Variants in FANK1 observed in about 807,000 individuals in gnomAD.
FANK1 encodes fibronectin type III and ankyrin repeat domains 1.
Under a neutral mutation model 45.3 loss-of-function variants are expected in FANK1, and 44 were observed. The observed-to-expected ratio is 0.97, with a 90% confidence interval of 0.76 to 1.25. The LOEUF (loss-of-function observed/expected upper bound fraction) is 1.25. Ranked by LOEUF, FANK1 falls within the 50% of genes most tolerant of loss-of-function variation. The pLI is 0.00. For missense variants in FANK1, 391 were observed against 424.4 expected (o/e 0.92, Z 0.69); for synonymous variants, 149 against 152.5 (o/e 0.98, Z 0.17).
At chr10:125,923,957 G>A (rs528221210) in intron 1 of FANK1, among the ~76,000 whole-genome samples, 3 of 152,214 alleles carry the variant, frequency 2.0e-5, no homozygotes, top group African/African-American at 7.2e-5. Flanking sequence ...TATTTTTAAA[G>A]AACCAGGTTT....
intron 6 of FANK1, among the ~76,000 whole-genome samples, chr10:126,003,105 T>TA (rs1554951662): frequency 9.7e-6 from 1 of 103,556 alleles, no homozygotes; most frequent in African/African-American, 3.2e-5. Flanking sequence ...GTCCTCTCTT[T>TA]AAATTTTTTT....
chr10:125,912,259 T>G (rs1404103129), intron 1 of FANK1, among the ~76,000 whole-genome samples: 1 of 152,230 alleles, frequency 6.6e-6, no homozygotes, highest in Non-Finnish European at 1.5e-5. Context: ...CTGTTTGTTT[T>G]ACCATATTGA....
intron 1 of FANK1, among the ~76,000 whole-genome samples, chr10:125,945,553 A>G (rs1948729990): frequency 6.6e-6 from 1 of 152,096 alleles, no homozygotes; most frequent in East Asian, 1.9e-4. Context: ...CGGCTTAAAA[A>G]ACGGCGAACC....
At chr10:125,957,709 G>T (rs1177742763) in intron 1 of FANK1, among the ~76,000 whole-genome samples, 1 of 151,950 alleles carries the variant, frequency 6.6e-6, no homozygotes, top group Non-Finnish European at 1.5e-5. Context: ...ACTTTTAGTA[G>T]AGATGGGATT....
In FANK1 at chr10:125,949,901, C is replaced by T. The variant is rs1218660398; in HGVS notation, c.14-30260C>T. Among the ~76,000 whole-genome samples, 51 of 144,118 alleles carry T rather than the reference C, an allele frequency of 3.5e-4. No homozygotes were observed. In the East Asian group the frequency reaches 7.9e-3, roughly 22 times the overall value. 94.5% of individuals were successfully genotyped at this position (144,118 alleles called of 152,430 possible). On this transcript the variant is annotated intron_variant, in intron 1 of 10. Transcript: ENST00000368693. ...CTACAGTAACCAAAACAGCATGGTACTGGTACCAAAAGAGAGATATAGATC... is the reference window on the plus strand; with the variant it reads ...CTACAGTAACCAAAACAGCATGGTATTGGTACCAAAAGAGAGATATAGATC...
intron 1 of FANK1, among the ~76,000 whole-genome samples, chr10:125,949,073 T>C (rs1275316358): frequency 1.3e-5 from 2 of 151,496 alleles, no homozygotes; most frequent in Non-Finnish European, 2.9e-5. Flanking sequence ...CAACAACCCT[T>C]CATGCTAAAA....
At chr10:125,935,728 A>G (rs1043855496) in intron 1 of FANK1, among the ~76,000 whole-genome samples, 1 of 152,210 alleles carries the variant, frequency 6.6e-6, no homozygotes, top group African/African-American at 2.4e-5. Context: ...ATATTTCTAT[A>G]ATATCTTCTC....
chr10:125,942,268 C>T (rs1293904877), intron 1 of FANK1, among the ~76,000 whole-genome samples: 3 of 152,140 alleles, frequency 2.0e-5, no homozygotes, highest in African/African-American at 7.2e-5. Flanking sequence ...CAAAAAGTCA[C>T]AATTTGTTCT....
intron 3 of FANK1, chr10:125,994,403 T>A: frequency 1.0e-6 from 1 of 985,356 alleles, no homozygotes; most frequent in Non-Finnish European, 1.2e-6. Context: ...AAATGAGACC[T>A]TTGAGGTTTT....
At chr10:125,960,204 G>A (rs960981354) in intron 1 of FANK1, 22 of 257,560 alleles carry the variant, frequency 8.5e-5, no homozygotes, top group Admixed American at 2.3e-4. Flanking sequence ...AGTCTTCAGG[G>A]TAAAGCACAG....
intron 1 of FANK1, among the ~76,000 whole-genome samples, chr10:125,904,364 C>T (rs1202850817): frequency 6.6e-6 from 1 of 152,098 alleles, no homozygotes; most frequent in South Asian, 2.1e-4. Flanking sequence ...CTCACAAAAA[C>T]AATCCCAAGT....
chr10:125,919,178 A>G (rs1383737048), intron 1 of FANK1, among the ~76,000 whole-genome samples: 1 of 108,868 alleles, frequency 9.2e-6, no homozygotes. Context: ...CTAGTAAAAT[A>G]CTTCCAGGAG....
At chr10:125,997,124 A>T (rs1426040539) in intron 5 of FANK1, among the ~76,000 whole-genome samples, 1 of 152,232 alleles carries the variant, frequency 6.6e-6, no homozygotes, top group Non-Finnish European at 1.5e-5. Flanking sequence ...AGAATACATT[A>T]AAAATGGCCA....
chr10:125,943,272 C>A (rs1416799850), intron 1 of FANK1, among the ~76,000 whole-genome samples: 1 of 151,820 alleles, frequency 6.6e-6, no homozygotes, highest in Admixed American at 6.6e-5. Context: ...CTAAACTAGC[C>A]TAAAATTGTT....
At chr10:125,907,216 ACT>A (rs1491360929) in intron 1 of FANK1, among the ~76,000 whole-genome samples, 2 of 152,044 alleles carry the variant, frequency 1.3e-5, no homozygotes, top group African/African-American at 4.8e-5. Flanking sequence ...AGTAAAACAA[ACT>A]CTTTTTAGTA....
intron 1 of FANK1, among the ~76,000 whole-genome samples, chr10:125,908,518 T>C (rs1945725658): frequency 6.6e-6 from 1 of 152,124 alleles, no homozygotes; most frequent in Non-Finnish European, 1.5e-5. Flanking sequence ...CCGAATATCA[T>C]ATGTTCTCAC....
chr10:125,924,309 A>G (rs1367286152), intron 1 of FANK1, among the ~76,000 whole-genome samples: 4 of 146,842 alleles, frequency 2.7e-5, no homozygotes, highest in African/African-American at 1.0e-4. Flanking sequence ...GCTGGAGTGC[A>G]GTGGCACAAT....
chr10:125,940,569 C>G (rs1948387558), intron 1 of FANK1, among the ~76,000 whole-genome samples: 1 of 152,044 alleles, frequency 6.6e-6, no homozygotes, highest in Non-Finnish European at 1.5e-5. Flanking sequence ...ATTCTGTTCC[C>G]AGGGGCACGC....
chr10:125,963,144 C>T (rs1055329326), intron 1 of FANK1, among the ~76,000 whole-genome samples: 41 of 152,094 alleles, frequency 2.7e-4, no homozygotes, highest in Non-Finnish European at 4.1e-4. Flanking sequence ...CCACCATGCC[C>T]GGCTAATTTT....
Sources: gnomAD v4.1 joint callset for allele counts (sites outside exome capture counted in the v4.1 genomes callset) on GRCh38, gnomAD v4.1.1 for gene constraint, MANE v1.5 for transcripts, NCBI Gene and HGNC (gene_info 2026-07-23, HGNC 2026-07-21) for gene names.